ZNF705G: variants seen among roughly 807,000 people sequenced by gnomAD.
ZNF705G encodes zinc finger protein 705G.
In ZNF705G, 23 loss-of-function variants were observed where a neutral mutation model predicts 19.6. The ratio of observed to expected loss-of-function variants is 1.17; its 90% confidence interval spans 0.84 to 1.66. The LOEUF (loss-of-function observed/expected upper bound fraction) is 1.66, where lower values mean the gene tolerates loss of function less well. ZNF705G is among the 40% of genes most tolerant of loss of function. ZNF705G has a pLI of 0.00. For synonymous variants in ZNF705G, 146 were observed against 117.7 expected (o/e 1.24, Z -1.56); for missense variants, 457 against 354.4 (o/e 1.29, Z -2.32).
At chr8:7,364,019 T>G (rs1202879864) in intron 2 of ZNF705G, among the ~76,000 whole-genome samples, 1 of 149,354 alleles carries the variant, frequency 6.7e-6, no homozygotes, top group Non-Finnish European at 1.5e-5. Context: ...ACAAAATGAC[T>G]TAGGAGAGGG....
chr8:7,365,531 A>G (rs1585415838), intron 2 of ZNF705G, among the ~76,000 whole-genome samples: 1 of 148,978 alleles, frequency 6.7e-6, no homozygotes, highest in South Asian at 2.1e-4. Flanking sequence ...GGCTTGCGCC[A>G]TCGTGCTCGG....
chr8:7,356,025 T>C lies in ZNF705G; in HGVS notation c.*1951A>G, dbSNP rs981130219. 1 of 149,552 alleles carries C rather than the reference T, an allele frequency of 6.7e-6. No homozygotes were observed. The highest frequency in any genetic ancestry group is 1.9e-4 in the East Asian group (1 of 5,194). 9.3% of individuals were successfully genotyped at this position (149,552 alleles called of 1,614,324 possible). A position where few individuals can be genotyped will look rare whatever the true frequency, so the allele number is the denominator to read the frequency against. On this transcript the variant is annotated 3_prime_UTR_variant, in exon 7 of 7. Coordinates refer to ENST00000400156, the MANE Select transcript of ZNF705G (RefSeq NM_001164457.3). ...CGATCGTATTAAGATTGTGCCTGTTTGGCAAAATTTCAAGTCATCCCACTT... is the reference window on the plus strand; with the variant it reads ...CGATCGTATTAAGATTGTGCCTGTTCGGCAAAATTTCAAGTCATCCCACTT...
intron 2 of ZNF705G, among the ~76,000 whole-genome samples, chr8:7,365,474 G>A (rs1221051323): frequency 2.0e-5 from 3 of 147,804 alleles, no homozygotes; most frequent in African/African-American, 5.3e-5. Flanking sequence ...CACCTCCCGG[G>A]TTCAAGCAAT....
chr8:7,361,064 G>T, intron 4 of ZNF705G, 46 bp downstream of exon 4: 2 of 1,592,474 alleles, frequency 1.3e-6, no homozygotes, highest in Non-Finnish European at 1.7e-6. Flanking sequence ...TTGAATGAAT[G>T]AGTGAATGTG....
At chr8:7,361,017 A>T in intron 4 of ZNF705G, 93 bp downstream of exon 4, 3 of 1,585,604 alleles carry the variant, frequency 1.9e-6, no homozygotes, top group Non-Finnish European at 1.7e-6. Context: ...CAGAGAAGAG[A>T]TTAGAGTGAG....
At chr8:7,384,961 T>G (rs1482751179) in intron 1 of ZNF705G, among the ~76,000 whole-genome samples, 1 of 146,064 alleles carries the variant, frequency 6.8e-6, no homozygotes, top group Non-Finnish European at 1.5e-5. Context: ...GAGCTGGGAT[T>G]TGAACTATCC....
chr8:7,366,597 G>GTA (rs1345184437), intron 2 of ZNF705G, among the ~76,000 whole-genome samples: 2 of 149,594 alleles, frequency 1.3e-5, no homozygotes, highest in Non-Finnish European at 2.9e-5. Flanking sequence ...CCTGAGTATA[G>GTA]TACGTAAAAG....
rs1806347216 is a variant in ZNF705G, at chr8:7,357,877, G to A, written c.*99C>T. ...AGAAGTTTATAATTTTCTCTCCAGGGTGAATTTTCTGATGCTCTTTAAGAT... is the reference window on the plus strand; with the variant it reads ...AGAAGTTTATAATTTTCTCTCCAGGATGAATTTTCTGATGCTCTTTAAGAT... On this transcript the variant is annotated 3_prime_UTR_variant, in exon 7 of 7. Coordinates refer to ENST00000400156, the MANE Select transcript of ZNF705G (RefSeq NM_001164457.3). The A allele has an allele frequency of 6.4e-7, 1 of 1,551,708 alleles. No homozygotes were observed. Among genetic ancestry groups the A allele is most frequent in the Non-Finnish European group, 8.7e-7 (1 of 1,154,796 alleles).
chr8:7,376,732 GATATATTT>G (rs1807254736), intron 2 of ZNF705G, among the ~76,000 whole-genome samples: 1 of 149,846 alleles, frequency 6.7e-6, no homozygotes, highest in Admixed American at 6.6e-5. Flanking sequence ...TAATGGCACA[GATATATTT>G]ATGTATTAAA....
chr8:7,362,282 T>C (rs1221689549), intron 3 of ZNF705G, among the ~76,000 whole-genome samples: 1 of 149,900 alleles, frequency 6.7e-6, no homozygotes, highest in African/African-American at 2.5e-5. Flanking sequence ...AAAGGTTAAT[T>C]ACCAAAAGGT....
At chr8:7,358,780 C>G (rs551067409) in intron 6 of ZNF705G, among the ~76,000 whole-genome samples, 1 of 149,352 alleles carries the variant, frequency 6.7e-6, no homozygotes, top group African/African-American at 2.6e-5. Context: ...CCTGCCTCCC[C>G]CTTCTGGTTC....
At position 7,382,407 on chromosome 8, in the gene ZNF705G, C is replaced by T. The variant is rs760263180; in HGVS notation, c.-221-806G>A. On this transcript the variant is annotated intron_variant, in intron 1 of 6. Transcript: ENST00000400156. ...CTGCTTATGGCTCTGAGGTTTGGTG[C>T]CTTTTTTCCCCAGAATAAATTATTA... 2.4e-4 allele frequency among the ~76,000 whole-genome samples: 35 copies of T among 146,594 alleles called. 1 individual carries two copies. The South Asian group carries it at 6.7e-3, about 28-fold the overall frequency.
intron 1 of ZNF705G, among the ~76,000 whole-genome samples, chr8:7,383,578 G>A (rs1403260266): frequency 1.4e-5 from 2 of 146,724 alleles, no homozygotes; most frequent in Non-Finnish European, 2.9e-5. Context: ...TGGCCTGAAT[G>A]TTTGAATATT....
rs765420730 is a variant in ZNF705G, at chr8:7,358,295, G to C, written c.584C>G (p.Thr195Ser). The change falls in exon 7 of 7, where the codon ACT becomes AGT. Residue 195 changes from threonine (T) to serine (S), a missense_variant. Physicochemically the swap from Thr to Ser is moderately conservative, Grantham distance 58. Transcript: ENST00000400156. ...ATGACATGCATATGGCCTCTCTCCA[G>C]TGTGAGTCATCTTGTGCCGTCTAAG... ...FHLRRHKMTHTGERPYACHLC... is the reference protein window; with the variant it reads ...FHLRRHKMTHSGERPYACHLC... 3.1e-6 allele frequency: 5 copies of C among 1,607,660 alleles called. No individual in the cohort carries two copies. Among genetic ancestry groups the C allele is most frequent in the Admixed American group, 1.7e-5 (1 of 59,918 alleles).
At position 7,385,519 on chromosome 8, in the gene ZNF705G, C is replaced by T. The variant is rs1351090633; in HGVS notation, c.-243G>A. On this transcript the variant is annotated 5_prime_UTR_variant, in exon 1 of 7. Transcript: ENST00000400156. ...CCACCTTGCAGTTGGTTCCTCCACCCTCCACAGGCTGTGTGCTGTATGTCC... is the reference window on the plus strand; with the variant it reads ...CCACCTTGCAGTTGGTTCCTCCACCTTCCACAGGCTGTGTGCTGTATGTCC... The T allele has an allele frequency of 4.0e-5, 6 of 148,610 alleles. 1 individual carries two copies. Among genetic ancestry groups the T allele is most frequent in the African/African-American group, 1.3e-4 (5 of 38,232 alleles). The allele number at this position is 148,610 out of a possible 1,614,324, so 9.2% of individuals were successfully genotyped here.
At position 7,368,848 on chromosome 8, in the gene ZNF705G, C is replaced by A. The variant is rs552677040; in HGVS notation, c.-71-5831G>T. Among the ~76,000 whole-genome samples, 41 of 149,658 alleles carry A rather than the reference C, an allele frequency of 2.7e-4. 2 individuals are homozygous for A. Among genetic ancestry groups the A allele is most frequent in the Non-Finnish European group, 4.7e-4 (32 of 68,006 alleles). On this transcript the variant is annotated intron_variant, in intron 2 of 6. Transcript: ENST00000400156. ...GCCCCAGACATTGTTTGGGCCACCG[C>A]TTTAGAGGGTGCAAGCCACAAGCCT...
At chr8:7,361,767 T>C (rs1475696594) in intron 3 of ZNF705G, among the ~76,000 whole-genome samples, 3 of 148,786 alleles carry the variant, frequency 2.0e-5, no homozygotes, top group Admixed American at 6.6e-5. Context: ...ATCTAGCAAA[T>C]ATTTATTAAA....
At position 7,363,120 on chromosome 8, in the gene ZNF705G, C is replaced by T. The variant is rs1342410227; in HGVS notation, c.-71-103G>A. The T allele has an allele frequency of 8.4e-6, 12 of 1,436,580 alleles. No homozygotes were observed. The African/African-American group carries it at 1.6e-4, about 19-fold the overall frequency. The allele number at this position is 1,436,580 out of a possible 1,614,324, so 89.0% of individuals were successfully genotyped here. On this transcript the variant is annotated intron_variant, in intron 2 of 6. Coordinates refer to ENST00000400156, the MANE Select transcript of ZNF705G (RefSeq NM_001164457.3). Reference sequence around the variant, plus strand: ...TTTCACTGAAGTGTGACACCAGCTGCACCACAGCCTAACCAACAGACACAA... The same window carrying T: ...TTTCACTGAAGTGTGACACCAGCTGTACCACAGCCTAACCAACAGACACAA...
intron 2 of ZNF705G, among the ~76,000 whole-genome samples, chr8:7,369,646 C>G (rs1306479388): frequency 1.3e-5 from 2 of 149,654 alleles, no homozygotes; most frequent in South Asian, 2.1e-4. Flanking sequence ...TGGAATCAAC[C>G]TAGATGCCCA....
Sources: gnomAD v4.1 joint callset for allele counts (sites outside exome capture counted in the v4.1 genomes callset) on GRCh38, gnomAD v4.1.1 for gene constraint, MANE v1.5 for transcripts, NCBI Gene and HGNC (gene_info 2026-07-23, HGNC 2026-07-21) for gene names.